The following NDOR1 variants were observed in gnomAD, a reference collection of about 807,000 sequenced individuals.
NDOR1 encodes NADPH-dependent diflavin oxidoreductase 1.
A neutral mutation model predicts 67.2 loss-of-function variants in NDOR1; 61 were observed. The observed-to-expected ratio is 0.91, with a 90% confidence interval of 0.74 to 1.12. The LOEUF (loss-of-function observed/expected upper bound fraction) is 1.12. Ranked by LOEUF, NDOR1 falls within the 50% of genes most tolerant of loss-of-function variation. The pLI is 0.00. For synonymous variants in NDOR1, 378 were observed against 343.7 expected, an observed-to-expected ratio of 1.10 and a Z score of -1.10; for missense variants, 878 against 802.8, an observed-to-expected ratio of 1.09 and a Z score of -1.13.
chr9:137,213,620 C>G (rs1237173730), intron 3 of NDOR1, among the ~76,000 whole-genome samples, 160 bp from the exon 4 acceptor site: 1 of 152,088 alleles, frequency 6.6e-6, no homozygotes, highest in African/African-American at 2.4e-5. Flanking sequence ...GGCCCTGCCC[C>G]CTCCTAGGGT....
intron 1 of NDOR1, 42 bp from the exon 2 acceptor site, chr9:137,206,190 C>T (rs1834955526): frequency 2.5e-6 from 4 of 1,611,298 alleles, no homozygotes; most frequent in African/African-American, 1.3e-5. Context: ...ACGCCCGGTC[C>T]TTACAGCCGG....
intron 2 of NDOR1, among the ~76,000 whole-genome samples, chr9:137,206,695 C>T (rs570819617): frequency 8.5e-5 from 13 of 152,272 alleles, no homozygotes; most frequent in African/African-American, 3.1e-4. Context: ...AACCCAGCAG[C>T]CATATTTCCA....
In NDOR1 at chr9:137,205,706, G is replaced by A. The variant is rs995149129; in HGVS notation, c.-72G>A. 1.9e-6 allele frequency: 3 copies of A among 1,592,404 alleles called. No individual in the cohort carries two copies. The highest frequency in any genetic ancestry group is 4.5e-5 in the East Asian group (2 of 44,642). On this transcript the variant is annotated 5_prime_UTR_variant, in exon 1 of 14. Coordinates refer to ENST00000684003, the MANE Select transcript of NDOR1 (RefSeq NM_014434.4). ...ACGGCGGAAGGCGGAAGGCGGAGCG[G>A]TCCCTGCAACCCGGCCGGCGGGAAC...
In NDOR1 at chr9:137,213,862, GA is replaced by G. The variant is rs1423679311; in HGVS notation, c.395del (p.Asp132AlafsTer63). The G allele has an allele frequency of 1.2e-5, 20 of 1,610,572 alleles. No homozygotes were observed. Among genetic ancestry groups the G allele is most frequent in the Non-Finnish European group, 1.7e-5 (20 of 1,179,048 alleles). On this transcript the variant is annotated frameshift_variant, in exon 4 of 14. Coordinates refer to ENST00000684003, the MANE Select transcript of NDOR1 (RefSeq NM_014434.4). LOFTEE classifies it high-confidence loss of function. ...CCTCCTGCCCGTGTGCCTGGGCGAT[GA>G]CCAGCATGAGCTGGGGTGAGTCTGC... is the stretch of plus-strand genomic sequence containing the variant. Reference protein sequence around the residue: ...SALLPVCLGDDQHELGPDAAV... With the variant: ...SALLPVCLGDXQHELGPDAAV...
At chr9:137,209,474 G>A (rs528842585) in intron 2 of NDOR1, among the ~76,000 whole-genome samples, 6 of 152,286 alleles carry the variant, frequency 3.9e-5, no homozygotes, top group South Asian at 2.1e-4. Flanking sequence ...TCAGGTCAAC[G>A]AGGAAACGAA....
In NDOR1 at chr9:137,218,137, C is replaced by G; in HGVS notation, c.*1721C>G. ...GCCGCCTGGCCCTGCTGAACTGTAG[C>G]CACGGCCTGTGTGTGGGCTGCCTGC... On this transcript the variant is annotated 3_prime_UTR_variant, in exon 14 of 14. Coordinates refer to ENST00000684003, the MANE Select transcript of NDOR1 (RefSeq NM_014434.4). 2.5e-6 allele frequency: 1 copy of G among 398,406 alleles called. No homozygotes were observed. Among genetic ancestry groups the G allele is most frequent in the Non-Finnish European group, 4.4e-6 (1 of 226,042 alleles). 24.7% of individuals were successfully genotyped at this position (398,406 alleles called of 1,614,324 possible). A position where few individuals can be genotyped will look rare whatever the true frequency, so the allele number is the denominator to read the frequency against.
rs376949420 is a variant in NDOR1 at position 137,216,087 on chromosome 9, C to T, written c.1555-7C>T. ...CTCAGCCCCCAGCCCTGTTCTCTGC[C>T]CTACAGGAGCAGAAAGTATATGTGC... On this transcript the variant is annotated splice_region_variant and splice_polypyrimidine_tract_variant and intron_variant, in intron 12 of 13. Coordinates refer to ENST00000684003, the MANE Select transcript of NDOR1 (RefSeq NM_014434.4). The T allele has an allele frequency of 3.1e-6, 5 of 1,613,344 alleles. No individual in the cohort carries two copies. The highest frequency in any genetic ancestry group is 1.3e-5 in the African/African-American group (1 of 74,916).
Position 137,218,314 on chromosome 9 carries a change from G to A in NDOR1, c.*1898G>A. The A allele has an allele frequency of 2.5e-6, 1 of 398,146 alleles. No homozygotes were observed. Among genetic ancestry groups the A allele is most frequent in the East Asian group, 3.6e-5 (1 of 28,042 alleles). 24.7% of individuals were successfully genotyped at this position (398,146 alleles called of 1,614,324 possible). A position where few individuals can be genotyped will look rare whatever the true frequency, so the allele number is the denominator to read the frequency against. ...GGCCCTCACGCCAGCCCCGCCGAGA[G>A]GCCCCTGCATCCTATCACCGCAACC... is the stretch of plus-strand genomic sequence containing the variant. On this transcript the variant is annotated 3_prime_UTR_variant, in exon 14 of 14. Transcript: ENST00000684003.
chr9:137,214,589 G>T lies in NDOR1; in HGVS notation c.742G>T (p.Val248Leu). The T allele has an allele frequency of 6.2e-6, 10 of 1,611,446 alleles. No homozygotes were observed. Among genetic ancestry groups the T allele is most frequent in the Non-Finnish European group, 8.5e-6 (10 of 1,179,928 alleles). ...SGISFAAGDV[V>L]LIQPSNSAAH... The stretch of plus-strand genomic sequence containing the variant: ...ACACAGCTTTGCTGCTGGTGATGTG[G>T]TGCTGATTCAGCCCTCCAACTCGGC... Residue 248 changes from valine (V) to leucine (L), a missense_variant, in exon 7 of 14, where the codon GTG becomes TTG. By Grantham distance (32) the Val-to-Leu change is conservative. Transcript: ENST00000684003.
At chr9:137,210,637 G>C (rs937816812) in intron 2 of NDOR1, among the ~76,000 whole-genome samples, 25 of 152,182 alleles carry the variant, frequency 1.6e-4, no homozygotes, top group African/African-American at 6.0e-4. Flanking sequence ...GAGCCCAGGA[G>C]TTTGAGACCA....
chr9:137,207,072 TAACCACAGCAAGGCAGATG>T (rs1280094744), intron 2 of NDOR1, among the ~76,000 whole-genome samples: 5 of 151,804 alleles, frequency 3.3e-5, no homozygotes, highest in Non-Finnish European at 7.4e-5. Context: ...AGAGCCTGAG[TAACCACAGCAAGGCAGATG>T]GGCTTGAAAT....
At chr9:137,208,383 G>A (rs185798383) in intron 2 of NDOR1, among the ~76,000 whole-genome samples, 3 of 152,076 alleles carry the variant, frequency 2.0e-5, no homozygotes, top group African/African-American at 4.8e-5. Flanking sequence ...CCCGGGAGGC[G>A]GAACTTGCAG....
At chr9:137,207,160 A>C (rs1158587544) in intron 2 of NDOR1, among the ~76,000 whole-genome samples, 1 of 152,050 alleles carries the variant, frequency 6.6e-6, no homozygotes, top group Non-Finnish European at 1.5e-5. Flanking sequence ...GCAAAACCGC[A>C]CTGGTCTGCA....
rs760378842 is a variant in NDOR1, at chr9:137,213,978, C to A, written c.422C>A (p.Ala141Asp). 1 of 1,558,348 alleles carries A rather than the reference C, an allele frequency of 6.4e-7. No homozygotes were observed. The highest frequency in any genetic ancestry group is 8.7e-7 in the Non-Finnish European group (1 of 1,152,534). ...GTGCTCCCTCCCAGGCCCGACGCTG[C>A]TGTGGACCCCTGGCTGCGAGACTTG... ...DDQHELGPDA[A>D]VDPWLRDLWD... Residue 141 changes from alanine (A) to aspartate (D), a missense_variant, in exon 5 of 14, where the codon GCT becomes GAT. Transcript: ENST00000684003.
intron 6 of NDOR1, 37 bp from the exon 7 acceptor site, chr9:137,214,533 C>T (rs367981974): frequency 9.0e-5 from 145 of 1,609,854 alleles, no homozygotes; most frequent in South Asian, 4.3e-4. Context: ...ATCCTCCCTG[C>T]GGCGTCCCCA....
intron 2 of NDOR1, among the ~76,000 whole-genome samples, chr9:137,207,667 G>A (rs936806128): frequency 2.0e-5 from 3 of 152,128 alleles, no homozygotes; most frequent in Admixed American, 6.6e-5. Flanking sequence ...TCCAGGAAGG[G>A]CTCTGGCATG....
chr9:137,208,456 C>T (rs547486025), intron 2 of NDOR1, among the ~76,000 whole-genome samples: 2 of 145,770 alleles, frequency 1.4e-5, no homozygotes, highest in African/African-American at 2.5e-5. Flanking sequence ...GTCTCAAAAA[C>T]AAAAAAAAGA....
Position 137,215,953 on chromosome 9 carries a change from C to G in NDOR1, c.1490C>G (p.Ala497Gly), listed in dbSNP as rs768505498. 7.4e-6 allele frequency: 12 copies of G among 1,613,630 alleles called. No individual in the cohort carries two copies. The highest frequency in any genetic ancestry group is 1.3e-5 in the African/African-American group (1 of 74,956). Residue 497 changes from alanine to glycine, a missense_variant, in exon 12 of 14, where the codon GCT becomes GGT. By Grantham distance (60) the Ala-to-Gly change is moderately conservative. Coordinates refer to ENST00000684003, the MANE Select transcript of NDOR1 (RefSeq NM_014434.4). The stretch of plus-strand genomic sequence containing the variant: ...CGGGACCAAGACTTCTACTGGGAGG[C>G]TGAGTGGCAGGAGCTGGAGAAGCGG... Reference protein sequence around the residue: ...RWRDQDFYWEAEWQELEKRDC... With the variant: ...RWRDQDFYWEGEWQELEKRDC...
rs577652944 is a variant in NDOR1 at position 137,213,797 on chromosome 9, A to G, written c.329A>G (p.Lys110Arg). ...CTCCACAGGTTCAACTTCGTGGCCA[A>G]GAAGCTGCACCGACGGCTACTGCAG... ...SSYAKFNFVA[K>R]KLHRRLLQLG... The change falls in exon 4 of 14, where the codon AAG becomes AGG. Residue 110 changes from lysine to arginine, a missense_variant. Coordinates refer to ENST00000684003, the MANE Select transcript of NDOR1 (RefSeq NM_014434.4). 1.9e-6 allele frequency: 3 copies of G among 1,612,576 alleles called. No individual in the cohort carries two copies. In the South Asian group the frequency reaches 3.3e-5, roughly 18 times the overall value.
Sources: allele counts gnomAD v4.1 joint callset (sites outside exome capture counted in the v4.1 genomes callset), GRCh38; gene constraint gnomAD v4.1.1; transcripts MANE v1.5; gene names NCBI Gene and HGNC (gene_info 2026-07-23, HGNC 2026-07-21).